OXCT1: variants seen among roughly 807,000 people sequenced by gnomAD.
The protein encoded by OXCT1 is succinyl-CoA:3-ketoacid coenzyme A transferase 1, mitochondrial.
OXCT1 carries 27 observed loss-of-function variants against 69.6 expected under a neutral mutation model. The observed-to-expected ratio is 0.39, with a 90% confidence interval of 0.29 to 0.54. The LOEUF (loss-of-function observed/expected upper bound fraction) is 0.54, where lower values mean the gene tolerates loss of function less well. OXCT1 is among the 20% of genes least tolerant of loss of function. OXCT1 has a pLI of 0.72. For missense variants in OXCT1, 437 were observed against 650.2 expected (o/e 0.67, Z 3.57); for synonymous variants, 202 against 217.8 (o/e 0.93, Z 0.64).
intron 14 of OXCT1, among the ~76,000 whole-genome samples, chr5:41,758,933 T>C (rs1744214476): frequency 6.6e-6 from 1 of 152,056 alleles, no homozygotes; most frequent in African/African-American, 2.4e-5. Flanking sequence ...ACTGGGTTTA[T>C]CTGTGTGCCC....
Position 41,775,959 on chromosome 5 carries a change from G to C in OXCT1, c.1249-13759C>G, listed in dbSNP as rs1179518707. Among the ~76,000 whole-genome samples, 4 of 152,078 alleles carry C rather than the reference G, an allele frequency of 2.6e-5. No individual in the cohort carries two copies. In the South Asian group the frequency reaches 6.2e-4, roughly 24 times the overall value. On this transcript the variant is annotated intron_variant, in intron 13 of 16. Transcript: ENST00000196371. ...TTGAGGGTGGACTAGGTACTAAATT[G>C]CTTCCACAGAGAACGAAGTAGGGAA...
intron 14 of OXCT1, among the ~76,000 whole-genome samples, chr5:41,758,843 T>C (rs985180229): frequency 2.6e-5 from 4 of 151,958 alleles, no homozygotes; most frequent in Non-Finnish European, 5.9e-5. Context: ...ACATACATCA[T>C]AAATACTCAA....
intron 13 of OXCT1, among the ~76,000 whole-genome samples, chr5:41,769,579 A>C (rs78948931): frequency 2.7e-5 from 4 of 150,286 alleles, no homozygotes; most frequent in African/African-American, 9.8e-5. Context: ...AAAAAAAAAA[A>C]GTCACTAGAT....
intron 13 of OXCT1, among the ~76,000 whole-genome samples, chr5:41,792,219 A>G (rs922896334): frequency 6.6e-6 from 1 of 152,198 alleles, no homozygotes; most frequent in Admixed American, 6.5e-5. Flanking sequence ...TAAAGTAGGT[A>G]CTGTTATATG....
intron 3 of OXCT1, among the ~76,000 whole-genome samples, chr5:41,856,168 C>CA (rs1301509758): frequency 6.6e-6 from 1 of 152,140 alleles, no homozygotes; most frequent in African/African-American, 2.4e-5. Flanking sequence ...GCCGGGATAT[C>CA]AATGAAGAGG....
At chr5:41,797,450 T>C (rs546321155) in intron 11 of OXCT1, among the ~76,000 whole-genome samples, 1 of 152,346 alleles carries the variant, frequency 6.6e-6, no homozygotes, top group Non-Finnish European at 1.5e-5. Flanking sequence ...ATTGAATCCA[T>C]GATTTTCACA....
chr5:41,868,411 G>C (rs1190497224), intron 1 of OXCT1, among the ~76,000 whole-genome samples: 1 of 152,144 alleles, frequency 6.6e-6, no homozygotes. Context: ...TAGATAAGTG[G>C]TACAGTTCAA....
Position 41,795,382 on chromosome 5 carries a change from T to TCCATACCTCTCCAGCCTCTCG in OXCT1, c.1100-654_1100-634dup, listed in dbSNP as rs375387880. ...CTACAGGAAATGCACCCCTCTATTG[T>TCCATACCTCTCCAGCCTCTCG]CCATACCTCTCCAGCCTCTCGCCAT... On this transcript the variant is annotated intron_variant, in intron 11 of 16. Transcript: ENST00000196371. Among the ~76,000 whole-genome samples the TCCATACCTCTCCAGCCTCTCG allele has an allele frequency of 2.8e-3, 430 of 152,246 alleles. 2 individuals carry two copies. Among genetic ancestry groups the TCCATACCTCTCCAGCCTCTCG allele is most frequent in the African/African-American group, 9.9e-3 (411 of 41,530 alleles).
At chr5:41,769,280 C>G (rs79797070) in intron 13 of OXCT1, among the ~76,000 whole-genome samples, 2 of 152,120 alleles carry the variant, frequency 1.3e-5, no homozygotes, top group African/African-American at 2.4e-5. Flanking sequence ...ACCCTTCCCC[C>G]CAAAATTTAA....
chr5:41,790,405 C>G (rs1031010916), intron 13 of OXCT1, among the ~76,000 whole-genome samples: 3 of 152,178 alleles, frequency 2.0e-5, no homozygotes, highest in African/African-American at 7.2e-5. Context: ...CTTGAAGGAG[C>G]CAACTACTGT....
intron 7 of OXCT1, among the ~76,000 whole-genome samples, chr5:41,834,828 A>G (rs957900871): frequency 3.9e-5 from 6 of 152,178 alleles, no homozygotes; most frequent in African/African-American, 1.4e-4. Flanking sequence ...ATAGAGATCT[A>G]CAGAACATTT....
intron 7 of OXCT1, among the ~76,000 whole-genome samples, chr5:41,808,234 C>T (rs1440441309): frequency 1.3e-5 from 2 of 152,030 alleles, no homozygotes; most frequent in Non-Finnish European, 2.9e-5. Flanking sequence ...AAAGAATTAG[C>T]TTTCTGGTGA....
At chr5:41,802,753 G>C (rs1746481327) in intron 10 of OXCT1, among the ~76,000 whole-genome samples, 1 of 152,050 alleles carries the variant, frequency 6.6e-6, no homozygotes, top group Non-Finnish European at 1.5e-5. Context: ...CAGTCAGAAA[G>C]CCAGAGTCAG....
chr5:41,737,124 C>T (rs568991527), intron 16 of OXCT1, among the ~76,000 whole-genome samples: 60 of 152,298 alleles, frequency 3.9e-4, no homozygotes, highest in African/African-American at 1.3e-3. Flanking sequence ...TGCCATTGAT[C>T]GTCAGATGCT....
intron 8 of OXCT1, among the ~76,000 whole-genome samples, chr5:41,806,057 G>C (rs1191751709): frequency 6.6e-6 from 1 of 152,072 alleles, no homozygotes; most frequent in Non-Finnish European, 1.5e-5. Context: ...TTTCAGGGCT[G>C]TCAGAATGTG....
At chr5:41,738,338 T>A (rs1742991153) in intron 16 of OXCT1, among the ~76,000 whole-genome samples, 1 of 152,210 alleles carries the variant, frequency 6.6e-6, no homozygotes, top group Non-Finnish European at 1.5e-5. Flanking sequence ...AATCCCCTTG[T>A]GTCACGGGAG....
intron 14 of OXCT1, among the ~76,000 whole-genome samples, chr5:41,759,544 T>C (rs1011240602): frequency 7.2e-5 from 11 of 151,966 alleles, no homozygotes; most frequent in Non-Finnish European, 1.2e-4. Context: ...CTGACATACG[T>C]TGCAGAGGTA....
intron 16 of OXCT1, among the ~76,000 whole-genome samples, chr5:41,736,757 T>G (rs1425809624): frequency 6.6e-6 from 1 of 152,210 alleles, no homozygotes; most frequent in Non-Finnish European, 1.5e-5. Context: ...TACCTTTTTT[T>G]CTTTATGAGG....
chr5:41,813,760 C>G (rs767077484), intron 7 of OXCT1, among the ~76,000 whole-genome samples: 7 of 148,206 alleles, frequency 4.7e-5, no homozygotes, highest in Non-Finnish European at 8.8e-5. Context: ...ATGGTATGCC[C>G]CTAGAACAAA....
Sources: gnomAD v4.1 joint callset for allele counts (sites outside exome capture counted in the v4.1 genomes callset) on GRCh38, gnomAD v4.1.1 for gene constraint, MANE v1.5 for transcripts, NCBI Gene and HGNC (gene_info 2026-07-23, HGNC 2026-07-21) for gene names.